HCRTR2: variants seen among roughly 807,000 people sequenced by gnomAD.
The protein encoded by HCRTR2 is hypocretin receptor 2, also known as orexin receptor type 2.
A neutral mutation model predicts 49.0 loss-of-function variants in HCRTR2; 22 were observed. The observed-to-expected ratio is 0.45, with a 90% confidence interval of 0.32 to 0.64. The LOEUF (loss-of-function observed/expected upper bound fraction) is 0.64, where lower values mean the gene tolerates loss of function less well. Ranked by LOEUF, HCRTR2 falls within the 30% of genes least tolerant of loss-of-function variation. The pLI is 0.04. For missense variants in HCRTR2, 491 were observed against 559.4 expected, an observed-to-expected ratio of 0.88 and a Z score of 1.23; for synonymous variants, 236 against 205.3, an observed-to-expected ratio of 1.15 and a Z score of -1.28.
chr6:55,142,391 AT>A, intron 1 of HCRTR2, among the ~76,000 whole-genome samples: 1 of 146,360 alleles, frequency 6.8e-6, no homozygotes, highest in East Asian at 2.0e-4. Flanking sequence ...TGTATTTTTA[AT>A]AGAGAGGGGA....
chr6:55,243,231 G>T (rs1766368737), intron 1 of HCRTR2, among the ~76,000 whole-genome samples: 2 of 152,146 alleles, frequency 1.3e-5, no homozygotes, highest in Admixed American at 1.3e-4. Flanking sequence ...CTGCATTCTT[G>T]CCTTCTGCTA....
chr6:55,183,622 A>G (rs1444234596), intron 1 of HCRTR2, among the ~76,000 whole-genome samples: 1 of 152,192 alleles, frequency 6.6e-6, no homozygotes, highest in East Asian at 1.9e-4. Flanking sequence ...AATGCAGAGA[A>G]TAAATACATG....
At chr6:55,151,698 G>C (rs1283681361) in intron 1 of HCRTR2, among the ~76,000 whole-genome samples, 2 of 151,778 alleles carry the variant, frequency 1.3e-5, no homozygotes, top group African/African-American at 4.8e-5. Flanking sequence ...ACCTAGAATG[G>C]TGGATTCTTT....
At chr6:55,185,748 ATGAATAAGTCCT>A (rs1262442356) in intron 1 of HCRTR2, among the ~76,000 whole-genome samples, 6 of 152,226 alleles carry the variant, frequency 3.9e-5, no homozygotes, top group Non-Finnish European at 8.8e-5. Context: ...TACACTAAAG[ATGAATAAGTCCT>A]TGAATTAACA....
intron 1 of HCRTR2, among the ~76,000 whole-genome samples, chr6:55,241,496 G>A (rs1766331866): frequency 6.6e-6 from 1 of 151,902 alleles, no homozygotes; most frequent in African/African-American, 2.4e-5. Flanking sequence ...TCAATAAATT[G>A]TTATGCTATT....
At chr6:55,167,072 T>C (rs1764887917) in intron 1 of HCRTR2, among the ~76,000 whole-genome samples, 1 of 152,164 alleles carries the variant, frequency 6.6e-6, no homozygotes, top group Non-Finnish European at 1.5e-5. Context: ...TTAGTAGTGC[T>C]GATGGTGACA....
At chr6:55,238,188 C>G (rs1003268972) in intron 1 of HCRTR2, among the ~76,000 whole-genome samples, 26 of 152,184 alleles carry the variant, frequency 1.7e-4, no homozygotes, top group African/African-American at 5.8e-4. Flanking sequence ...TATCCCCTAG[C>G]TCAGTGAGCA....
chr6:55,260,073 T>A (rs1766726069), intron 3 of HCRTR2, among the ~76,000 whole-genome samples: 1 of 152,194 alleles, frequency 6.6e-6, no homozygotes. Flanking sequence ...ATATTTTTTC[T>A]AATTATTCAT....
intron 1 of HCRTR2, among the ~76,000 whole-genome samples, chr6:55,136,368 G>A (rs1453094445): frequency 2.0e-5 from 3 of 152,084 alleles, no homozygotes; most frequent in African/African-American, 7.2e-5. Flanking sequence ...ATGAAAAATG[G>A]CATCCTGTTC....
intron 1 of HCRTR2, among the ~76,000 whole-genome samples, chr6:55,241,084 T>A (rs923037105): frequency 1.3e-5 from 2 of 150,902 alleles, no homozygotes; most frequent in African/African-American, 4.9e-5. Context: ...TAACTCGTCA[T>A]TTAGCATTAT....
At chr6:55,198,697 A>G (rs1471753443) in intron 1 of HCRTR2, among the ~76,000 whole-genome samples, 1 of 152,234 alleles carries the variant, frequency 6.6e-6, no homozygotes, top group African/African-American at 2.4e-5. Flanking sequence ...TGCAAATGAT[A>G]AAACACTGAA....
intron 1 of HCRTR2, among the ~76,000 whole-genome samples, chr6:55,216,006 G>T (rs1007543020): frequency 2.0e-5 from 3 of 152,124 alleles, no homozygotes; most frequent in Non-Finnish European, 4.4e-5. Context: ...CATGGCAGAA[G>T]GCATCACATG....
At chr6:55,215,255 C>G (rs909323503) in intron 1 of HCRTR2, among the ~76,000 whole-genome samples, 18 of 151,998 alleles carry the variant, frequency 1.2e-4, no homozygotes, top group African/African-American at 4.3e-4. Flanking sequence ...AGAAAACTTG[C>G]AAAACAGAAA....
At chr6:55,235,485 A>C (rs1353417477) in intron 1 of HCRTR2, among the ~76,000 whole-genome samples, 1 of 152,074 alleles carries the variant, frequency 6.6e-6, no homozygotes, top group Non-Finnish European at 1.5e-5. Context: ...CTTTTGATAT[A>C]CCCTAATTTT....
At chr6:55,135,956 C>A (rs781570659) in intron 1 of HCRTR2, among the ~76,000 whole-genome samples, 7 of 152,042 alleles carry the variant, frequency 4.6e-5, no homozygotes, top group Non-Finnish European at 1.0e-4. Flanking sequence ...AAGACATGGT[C>A]AATTTTCATG....
At chr6:55,245,550 T>G (rs905681976) in intron 1 of HCRTR2, among the ~76,000 whole-genome samples, 12 of 146,112 alleles carry the variant, frequency 8.2e-5, no homozygotes, top group African/African-American at 3.0e-4. Flanking sequence ...GCTTACAAGA[T>G]CTCAAACTGT....
At chr6:55,141,337 C>G (rs1475915444) in intron 1 of HCRTR2, among the ~76,000 whole-genome samples, 1 of 151,798 alleles carries the variant, frequency 6.6e-6, no homozygotes, top group Non-Finnish European at 1.5e-5. Context: ...GAGCAAGACT[C>G]TATCTCAAAA....
At chr6:55,126,400 G>A (rs984858669) in intron 1 of HCRTR2, among the ~76,000 whole-genome samples, 3 of 152,158 alleles carry the variant, frequency 2.0e-5, no homozygotes, top group Non-Finnish European at 4.4e-5. Context: ...GTCCACTCCT[G>A]ACCCTGTTTG....
chr6:55,240,032 C>T (rs1161783666), intron 1 of HCRTR2, among the ~76,000 whole-genome samples: 1 of 151,946 alleles, frequency 6.6e-6, no homozygotes, highest in Admixed American at 6.5e-5. Flanking sequence ...CCGCCTCGTT[C>T]TCCCAAAGTG....
Sources: gnomAD v4.1 joint callset for allele counts (sites outside exome capture counted in the v4.1 genomes callset) on GRCh38, gnomAD v4.1.1 for gene constraint, MANE v1.5 for transcripts, NCBI Gene and HGNC (gene_info 2026-07-23, HGNC 2026-07-21) for gene names.